The following SEMA3A variants were observed in gnomAD, a reference collection of about 807,000 sequenced individuals.
The protein encoded by SEMA3A is semaphorin 3A.
A neutral mutation model predicts 97.9 loss-of-function variants in SEMA3A; 29 were observed. The ratio of observed to expected loss-of-function variants is 0.30; its 90% CI spans 0.22 to 0.40. The LOEUF is 0.40. Ranked by LOEUF, SEMA3A falls within the 10% of genes least tolerant of loss-of-function variation. The pLI is 1.00. For synonymous variants in SEMA3A, 321 were observed against 323.7 expected, an observed-to-expected ratio of 0.99 and a Z score of 0.09; for missense variants, 763 against 951.3, an observed-to-expected ratio of 0.80 and a Z score of 2.60.
At chr7:84,443,379 T>TA (rs1245174118) in intron 1 of SEMA3A, among the ~76,000 whole-genome samples, 4 of 152,174 alleles carry the variant, frequency 2.6e-5, no homozygotes, top group African/African-American at 9.7e-5. Flanking sequence ...CTTTTTAATG[T>TA]AAATATTAGC....
At chr7:84,441,886 A>G (rs1805282898) in intron 1 of SEMA3A, among the ~76,000 whole-genome samples, 1 of 152,216 alleles carries the variant, frequency 6.6e-6, no homozygotes, top group Non-Finnish European at 1.5e-5. Flanking sequence ...TAAATTCAAA[A>G]TGCAAAAAAC....
In SEMA3A at chr7:84,188,055, C is replaced by G. The variant is rs554526717; in HGVS notation, c.112+6420G>C. Among the ~76,000 whole-genome samples the G allele has an allele frequency of 2.0e-5, 3 of 152,140 alleles. No homozygotes were observed. In the East Asian group the frequency reaches 5.8e-4, roughly 29 times the overall value. On this transcript the variant is annotated intron_variant, in intron 1 of 16. Transcript: ENST00000265362. ...GATTGCTGCAACGCTTTAAGTTACT[C>G]TAAGTTTTGGTCAACATAGTTTCCC...
intron 1 of SEMA3A, among the ~76,000 whole-genome samples, chr7:84,399,535 G>T (rs1803839357): frequency 6.6e-6 from 1 of 151,982 alleles, no homozygotes; most frequent in African/African-American, 2.4e-5. Flanking sequence ...GGATGAAAGA[G>T]TGAAGAATAC....
At chr7:84,411,325 A>C (rs1804258686) in intron 1 of SEMA3A, among the ~76,000 whole-genome samples, 1 of 152,242 alleles carries the variant, frequency 6.6e-6, no homozygotes, top group South Asian at 2.1e-4. Flanking sequence ...CAGTCATTGG[A>C]GCATAAACTT....
intron 6 of SEMA3A, among the ~76,000 whole-genome samples, chr7:84,016,037 A>G (rs2116426151): frequency 6.6e-6 from 1 of 152,180 alleles, no homozygotes; most frequent in African/African-American, 2.4e-5. Context: ...TTTTGTTCAA[A>G]AATTTCTACT....
chr7:84,201,698 CTT>C (rs1798362134), intron 3 of SEMA3A, among the ~76,000 whole-genome samples: 1 of 152,118 alleles, frequency 6.6e-6, no homozygotes, highest in Admixed American at 6.5e-5. Flanking sequence ...GAACTAATCT[CTT>C]TGAAAATCAA....
intron 1 of SEMA3A, among the ~76,000 whole-genome samples, chr7:84,148,277 T>A (rs930330708): frequency 6.6e-6 from 1 of 152,046 alleles, no homozygotes. Context: ...AACATTGATA[T>A]GGCATTCCTA....
chr7:84,066,289 C>G (rs1229178929), intron 4 of SEMA3A, among the ~76,000 whole-genome samples: 1 of 152,032 alleles, frequency 6.6e-6, no homozygotes, highest in Non-Finnish European at 1.5e-5. Context: ...TAAGAGCTAT[C>G]TATGACAAAC....
At chr7:84,076,140 T>C (rs1386719522) in intron 4 of SEMA3A, among the ~76,000 whole-genome samples, 1 of 152,172 alleles carries the variant, frequency 6.6e-6, no homozygotes, top group African/African-American at 2.4e-5. Flanking sequence ...ACAGATACAC[T>C]TATGGGACAC....
At chr7:84,051,390 C>T (rs554967667) in intron 5 of SEMA3A, among the ~76,000 whole-genome samples, 96 of 152,270 alleles carry the variant, frequency 6.3e-4, no homozygotes, top group Admixed American at 2.2e-3. Flanking sequence ...TTTCCTTGAG[C>T]AGTGATTTGT....
chr7:84,009,539 C>T (rs1320291711), intron 9 of SEMA3A, among the ~76,000 whole-genome samples: 4 of 152,136 alleles, frequency 2.6e-5, no homozygotes, highest in Admixed American at 2.0e-4. Flanking sequence ...CAGTACTTTT[C>T]CTGACTTTCG....
chr7:84,091,304 G>GAA (rs1392169322), intron 4 of SEMA3A, among the ~76,000 whole-genome samples: 1 of 135,458 alleles, frequency 7.4e-6, no homozygotes. Context: ...AAAAGAAAAA[G>GAA]AAAGGAAGGA....
chr7:84,359,511 C>T (rs1802656227), intron 2 of SEMA3A, among the ~76,000 whole-genome samples: 2 of 151,958 alleles, frequency 1.3e-5, no homozygotes, highest in South Asian at 2.1e-4. Flanking sequence ...GGTGGATAAG[C>T]TTTTTGATGT....
intron 3 of SEMA3A, among the ~76,000 whole-genome samples, chr7:84,253,024 G>T (rs528179393): frequency 6.6e-6 from 1 of 151,932 alleles, no homozygotes; most frequent in East Asian, 1.9e-4. Context: ...GACTACAGGC[G>T]TGTGCCACCA....
chr7:84,101,220 C>T (rs1487315621), intron 4 of SEMA3A, among the ~76,000 whole-genome samples: 1 of 152,034 alleles, frequency 6.6e-6, no homozygotes, highest in Non-Finnish European at 1.5e-5. Context: ...ACTGTTAGAT[C>T]CATAAGGTTA....
intron 12 of SEMA3A, among the ~76,000 whole-genome samples, chr7:83,995,338 C>T (rs1291386732): frequency 2.0e-5 from 3 of 152,008 alleles, no homozygotes; most frequent in African/African-American, 7.2e-5. Flanking sequence ...CTTGGCTCCT[C>T]CCCCCAATAA....
At chr7:84,113,262 A>C (rs1795327647) in intron 3 of SEMA3A, among the ~76,000 whole-genome samples, 1 of 152,222 alleles carries the variant, frequency 6.6e-6, no homozygotes, top group Non-Finnish European at 1.5e-5. Context: ...AAAATTTGAC[A>C]GAGACATTGT....
intron 3 of SEMA3A, among the ~76,000 whole-genome samples, chr7:84,117,771 A>G (rs1795478876): frequency 6.6e-6 from 1 of 152,212 alleles, no homozygotes. Context: ...ACTGCTTTAA[A>G]GTCAGTTAGA....
chr7:84,038,102 C>T (rs982955086), intron 6 of SEMA3A, among the ~76,000 whole-genome samples: 2 of 152,092 alleles, frequency 1.3e-5, no homozygotes, highest in African/African-American at 4.8e-5. Flanking sequence ...AGGTATGTCA[C>T]TAAGCTTAGA....
Sources: allele counts gnomAD v4.1 joint callset (sites outside exome capture counted in the v4.1 genomes callset), GRCh38; gene constraint gnomAD v4.1.1; transcripts MANE v1.5; gene names NCBI Gene and HGNC (gene_info 2026-07-23, HGNC 2026-07-21).